The following DAB1 variants were observed in gnomAD, a reference collection of about 807,000 sequenced individuals.
DAB1 encodes the protein disabled homolog 1.
Under a neutral mutation model 64.6 loss-of-function variants are expected in DAB1, and 15 were observed. The ratio of observed to expected loss-of-function variants is 0.23; its 90% CI spans 0.16 to 0.36. The LOEUF is 0.36. Among genes scored for constraint, DAB1 ranks in the 10% least tolerant of loss-of-function variants. The pLI is 1.00. For missense variants in DAB1, 596 were observed against 706.7 expected (o/e 0.84, Z 1.78); for synonymous variants, 235 against 251.9 (o/e 0.93, Z 0.64).
At chr1:57,729,802 T>C (rs1647331608) in intron 6 of DAB1, among the ~76,000 whole-genome samples, 1 of 152,222 alleles carries the variant, frequency 6.6e-6, no homozygotes, top group Non-Finnish European at 1.5e-5. Context: ...GGCTCACACC[T>C]GTAATCTCAG....
At chr1:57,013,167 T>G (rs896277381) in intron 12 of DAB1, among the ~76,000 whole-genome samples, 1 of 152,222 alleles carries the variant, frequency 6.6e-6, no homozygotes, top group African/African-American at 2.4e-5. Flanking sequence ...AGTGCCGAGG[T>G]TGCCAACGAT....
At chr1:58,322,048 T>C (rs1662697154) in intron 4 of DAB1, among the ~76,000 whole-genome samples, 1 of 152,230 alleles carries the variant, frequency 6.6e-6, no homozygotes, top group South Asian at 2.1e-4. Flanking sequence ...TGTAGAAAGC[T>C]GAAACTGGAT....
intron 3 of DAB1, among the ~76,000 whole-genome samples, chr1:58,497,401 G>A (rs931859094): frequency 6.6e-6 from 1 of 152,114 alleles, no homozygotes; most frequent in Non-Finnish European, 1.5e-5. Flanking sequence ...ATTACTATGA[G>A]TTTCCTTAGG....
chr1:57,177,823 C>CTATATA (rs1557873761), intron 2 of DAB1, among the ~76,000 whole-genome samples: 4 of 152,126 alleles, frequency 2.6e-5, no homozygotes, highest in African/African-American at 9.7e-5. Context: ...AAAATATAAG[C>CTATATA]TATATCAGAT....
At chr1:58,469,949 A>G (rs1420979998) in intron 3 of DAB1, among the ~76,000 whole-genome samples, 7 of 151,972 alleles carry the variant, frequency 4.6e-5, no homozygotes, top group Non-Finnish European at 1.0e-4. Context: ...AGGACTTGAG[A>G]GAAGGCTAGG....
At chr1:57,360,226 T>G (rs1679438211) in intron 1 of DAB1, among the ~76,000 whole-genome samples, 1 of 151,912 alleles carries the variant, frequency 6.6e-6, no homozygotes, top group Non-Finnish European at 1.5e-5. Flanking sequence ...TTTAAACTAA[T>G]TAATTAATTA....
chr1:57,376,914 C>T (rs1680941457), intron 1 of DAB1, among the ~76,000 whole-genome samples: 1 of 152,148 alleles, frequency 6.6e-6, no homozygotes, highest in Non-Finnish European at 1.5e-5. Context: ...ACAGAGAACT[C>T]AATGTTAAGT....
chr1:57,825,213 G>A (rs1005527562), downstream of DAB1, among the ~76,000 whole-genome samples: 4 of 146,848 alleles, frequency 2.7e-5, no homozygotes, highest in Non-Finnish European at 4.4e-5. Flanking sequence ...CAGAGTTTAG[G>A]GCCCCTAGCT....
intron 7 of DAB1, among the ~76,000 whole-genome samples, chr1:57,520,579 T>A (rs1385005014): frequency 6.6e-6 from 1 of 152,088 alleles, no homozygotes; most frequent in Non-Finnish European, 1.5e-5. Flanking sequence ...AGAATAAGAA[T>A]CTTATTTGAA....
At chr1:57,815,703 A>C (rs892024279) in intron 6 of DAB1, among the ~76,000 whole-genome samples, 4 of 151,940 alleles carry the variant, frequency 2.6e-5, no homozygotes, top group Admixed American at 6.6e-5. Flanking sequence ...TGCACTCAAC[A>C]AACATATTCT....
chr1:57,156,348 C>A (rs1660221237), intron 2 of DAB1, among the ~76,000 whole-genome samples: 1 of 152,156 alleles, frequency 6.6e-6, no homozygotes, highest in African/African-American at 2.4e-5. Context: ...GGGCTAGGCA[C>A]CTCCATGCCC....
chr1:57,653,528 C>A lies in DAB1; in HGVS notation n.552-3863G>T, dbSNP rs529904324. On this transcript the variant is annotated intron_variant and non_coding_transcript_variant, in intron 6 of 20. Coordinates refer to the DAB1 transcript ENST00000485760. ...CTAACACAAATAATGTTGCAATGGA[C>A]AATGTATACTCCTTGGGTACCTATG... 3.3e-5 allele frequency among the ~76,000 whole-genome samples: 5 copies of A among 152,270 alleles called. No homozygotes were observed. The East Asian group carries it at 7.7e-4, about 24-fold the overall frequency.
intron 2 of DAB1, among the ~76,000 whole-genome samples, chr1:57,185,188 A>G (rs545437699): frequency 1.3e-5 from 2 of 152,202 alleles, no homozygotes; most frequent in Admixed American, 1.3e-4. Flanking sequence ...GTCTTCTGCA[A>G]TTCTGCACAG....
intron 5 of DAB1, among the ~76,000 whole-genome samples, chr1:58,133,076 T>G (rs147830174): frequency 3.5e-4 from 54 of 152,308 alleles, no homozygotes; most frequent in Middle Eastern, 3.4e-3. Flanking sequence ...TGTTTCTCTG[T>G]CCCCTTCTTC....
intron 6 of DAB1, among the ~76,000 whole-genome samples, chr1:57,685,594 C>T (rs980252783): frequency 1.3e-5 from 2 of 152,150 alleles, no homozygotes; most frequent in East Asian, 1.9e-4. Flanking sequence ...CACCTAACAA[C>T]CAAAGAATAT....
rs968420727 is a variant in DAB1, at chr1:57,596,427, T to A, written n.625+53165A>T. On this transcript the variant is annotated intron_variant and non_coding_transcript_variant, in intron 7 of 20. Transcript: ENST00000485760. ...TTGTCTTCCCCAGCACTTAGCACAA[T>A]TAATAATTAATTACTCATATTATTA... Among the ~76,000 whole-genome samples the A allele has an allele frequency of 2.6e-5, 4 of 152,214 alleles. No individual in the cohort carries two copies. In the South Asian group the frequency reaches 6.2e-4, roughly 24 times the overall value.
intron 2 of DAB1, chr1:58,527,144 A>G: frequency 1.6e-6 from 1 of 620,982 alleles, no homozygotes; most frequent in South Asian, 2.0e-5. Context: ...AATTACATAA[A>G]GGGCTAATAC....
chr1:58,077,407 G>T (rs1020501019), intron 5 of DAB1, among the ~76,000 whole-genome samples: 1 of 152,184 alleles, frequency 6.6e-6, no homozygotes, highest in South Asian at 2.1e-4. Context: ...GACCAAAGGG[G>T]TTCATCACTC....
chr1:58,387,875 C>T (rs1021088188), intron 3 of DAB1, among the ~76,000 whole-genome samples: 9 of 151,848 alleles, frequency 5.9e-5, no homozygotes, highest in Admixed American at 2.0e-4. Context: ...TACAGGCGCC[C>T]GCCACCACGC....
Sources: gnomAD v4.1 joint callset for allele counts (sites outside exome capture counted in the v4.1 genomes callset) on GRCh38, gnomAD v4.1.1 for gene constraint, MANE v1.5 for transcripts, NCBI Gene and HGNC (gene_info 2026-07-23, HGNC 2026-07-21) for gene names.